Variants in PDE4B observed in about 807,000 individuals in gnomAD.
The protein encoded by PDE4B is 3',5'-cyclic-AMP phosphodiesterase 4B.
A neutral mutation model predicts 82.2 loss-of-function variants in PDE4B; 20 were observed. That is an observed-to-expected ratio of 0.24 (90% CI 0.17 to 0.35). The LOEUF (loss-of-function observed/expected upper bound fraction) is 0.35. PDE4B is among the 10% of genes least tolerant of loss of function. PDE4B has a pLI of 1.00. For missense variants in PDE4B, 655 were observed against 907.2 expected, an observed-to-expected ratio of 0.72 and a Z score of 3.57; for synonymous variants, 320 against 318.9, an observed-to-expected ratio of 1.00 and a Z score of -0.04.
intron 3 of PDE4B, among the ~76,000 whole-genome samples, chr1:65,945,769 G>C (rs2100557604): frequency 6.6e-6 from 1 of 152,044 alleles, no homozygotes; most frequent in Middle Eastern, 3.4e-3. Context: ...GTCATCCTTG[G>C]GGTTCTGTAG....
intron 3 of PDE4B, among the ~76,000 whole-genome samples, chr1:66,229,435 A>G (rs1006121557): frequency 6.6e-6 from 1 of 152,190 alleles, no homozygotes. Flanking sequence ...TTTGCCATCC[A>G]CAATTTTGTT....
In PDE4B at chr1:66,233,402, G is replaced by GT. The variant is rs563534405; in HGVS notation, c.282-14048dup. ...ACCTGTTACATTTGGATTGTTTCCA[G>GT]TTTTTTTTTTACTATGCCAATGCTA... On this transcript the variant is annotated intron_variant, in intron 3 of 16. Transcript: ENST00000341517. 3.8e-3 allele frequency among the ~76,000 whole-genome samples: 563 copies of GT among 148,300 alleles called. 3 individuals carry two copies. The highest frequency in any genetic ancestry group is 0.011 in the African/African-American group (466 of 40,622).
intron 3 of PDE4B, among the ~76,000 whole-genome samples, chr1:66,113,453 T>C (rs1645529227): frequency 6.6e-6 from 1 of 152,004 alleles, no homozygotes; most frequent in African/African-American, 2.4e-5. Flanking sequence ...CAAGATCTTG[T>C]TATTTTCATA....
chr1:66,155,054 G>T (rs538039306), intron 3 of PDE4B, among the ~76,000 whole-genome samples: 2 of 152,060 alleles, frequency 1.3e-5, no homozygotes, highest in East Asian at 3.9e-4. Context: ...TCTTGAGCCC[G>T]GGAGGTTGAG....
At chr1:65,845,640 TTGA>T (rs1646259467) in intron 1 of PDE4B, among the ~76,000 whole-genome samples, 1 of 152,190 alleles carries the variant, frequency 6.6e-6, no homozygotes, top group South Asian at 2.1e-4. Flanking sequence ...TGGTCTCATA[TTGA>T]TGATGCTGAA....
chr1:66,011,003 G>A (rs1243088324), intron 3 of PDE4B, among the ~76,000 whole-genome samples: 2 of 151,564 alleles, frequency 1.3e-5, no homozygotes, highest in African/African-American at 4.8e-5. Flanking sequence ...ACCTATGAAA[G>A]TAAAGGAATC....
chr1:66,102,011 A>C (rs1570237911), intron 3 of PDE4B, among the ~76,000 whole-genome samples: 1 of 152,256 alleles, frequency 6.6e-6, no homozygotes, highest in East Asian at 1.9e-4. Context: ...ATTTTTGTAT[A>C]AGGTGTAAGG....
chr1:65,960,317 A>G (rs1259520693), intron 3 of PDE4B, among the ~76,000 whole-genome samples: 1 of 151,976 alleles, frequency 6.6e-6, no homozygotes, highest in African/African-American at 2.4e-5. Context: ...ATGATAGGTC[A>G]CCATCTCCAT....
chr1:66,254,224 A>G (rs537392511), intron 4 of PDE4B, among the ~76,000 whole-genome samples: 1 of 152,338 alleles, frequency 6.6e-6, no homozygotes, highest in East Asian at 1.9e-4. Context: ...CTAGCCTAAA[A>G]AAAAAGAAAG....
At chr1:65,805,150 A>T (rs968023277) in intron 1 of PDE4B, among the ~76,000 whole-genome samples, 2 of 151,990 alleles carry the variant, frequency 1.3e-5, no homozygotes, top group African/African-American at 4.8e-5. Context: ...TTTTTAGTAG[A>T]AATGGGGTTT....
At chr1:65,914,272 A>G (rs1647130942) in intron 2 of PDE4B, among the ~76,000 whole-genome samples, 1 of 152,176 alleles carries the variant, frequency 6.6e-6, no homozygotes. Flanking sequence ...CTTTGGCAAG[A>G]ATGCTAGAAC....
chr1:65,895,989 A>T (rs1646906260), intron 1 of PDE4B, among the ~76,000 whole-genome samples: 1 of 150,234 alleles, frequency 6.7e-6, no homozygotes, highest in Admixed American at 6.6e-5. Flanking sequence ...ATTTATAGTA[A>T]TTCCCTAAGA....
chr1:66,315,930 C>T (rs527889261), intron 7 of PDE4B, among the ~76,000 whole-genome samples: 2 of 152,292 alleles, frequency 1.3e-5, no homozygotes, highest in Admixed American at 6.5e-5. Flanking sequence ...GCCTTGGCCA[C>T]GTAAACCTCA....
Position 66,323,301 on chromosome 1 carries a change from A to G in PDE4B, c.635-9207A>G, listed in dbSNP as rs79780311. On this transcript the variant is annotated intron_variant, in intron 7 of 16. Transcript: ENST00000341517. The stretch of plus-strand genomic sequence containing the variant: ...CCTTGACACTTAATTCTTATTCCTC[A>G]AAATCTCATAACTTTCCAAGGCAGG... Among the ~76,000 whole-genome samples the G allele has an allele frequency of 3.0e-3, 457 of 152,228 alleles. 3 individuals are homozygous for G. Among genetic ancestry groups the G allele is most frequent in the African/African-American group, 0.011 (444 of 41,554 alleles).
At chr1:66,177,172 G>A (rs1229703893) in intron 3 of PDE4B, among the ~76,000 whole-genome samples, 3 of 152,274 alleles carry the variant, frequency 2.0e-5, no homozygotes, top group African/African-American at 7.2e-5. Context: ...AGACAGAAAT[G>A]GGCAGGACTG....
intron 3 of PDE4B, among the ~76,000 whole-genome samples, chr1:66,201,294 G>T (rs1270968708): frequency 6.6e-6 from 1 of 152,102 alleles, no homozygotes; most frequent in Non-Finnish European, 1.5e-5. Flanking sequence ...CAAGGATATT[G>T]GTCTAAAATT....
intron 3 of PDE4B, among the ~76,000 whole-genome samples, chr1:65,956,548 G>A (rs1478505501): frequency 6.6e-6 from 1 of 152,006 alleles, no homozygotes; most frequent in Non-Finnish European, 1.5e-5. Context: ...TATAGATTGC[G>A]GTTTCTTGAG....
At chr1:65,819,498 TG>T (rs1351762591) in intron 1 of PDE4B, among the ~76,000 whole-genome samples, 4 of 66,426 alleles carry the variant, frequency 6.0e-5, no homozygotes, top group African/African-American at 1.7e-4. Flanking sequence ...TGTTTGTTTT[TG>T]TTTTGTTTTT....
intron 3 of PDE4B, among the ~76,000 whole-genome samples, chr1:66,095,793 G>A (rs1355164407): frequency 6.6e-6 from 1 of 151,746 alleles, no homozygotes; most frequent in Non-Finnish European, 1.5e-5. Context: ...CTGTATCCTC[G>A]AGCTTCACCT....
Sources: allele counts gnomAD v4.1 joint callset (sites outside exome capture counted in the v4.1 genomes callset), GRCh38; gene constraint gnomAD v4.1.1; transcripts MANE v1.5; gene names NCBI Gene and HGNC (gene_info 2026-07-23, HGNC 2026-07-21).